The following RPH3A variants were observed in gnomAD, a reference collection of about 807,000 sequenced individuals.
RPH3A encodes rabphilin 3A, also known as rabphilin-3A.
RPH3A carries 48 observed loss-of-function variants against 102.2 expected under a neutral mutation model. The ratio of observed to expected loss-of-function variants is 0.47; its 90% CI spans 0.37 to 0.60. The LOEUF is 0.60. Ranked by LOEUF, RPH3A falls within the 20% of genes least tolerant of loss-of-function variation. The probability of loss-of-function intolerance (pLI) is 0.00; values close to 1 mark genes in which losing one functional copy is unlikely to be tolerated. For missense variants in RPH3A, 781 were observed against 910.1 expected (o/e 0.86, Z 1.83); for synonymous variants, 310 against 324.3 (o/e 0.96, Z 0.47).
In RPH3A at chr12:112,876,672, C is replaced by G. The variant is rs779024797; in HGVS notation, c.977C>G (p.Ala326Gly). The G allele has an allele frequency of 1.9e-6, 3 of 1,612,238 alleles. No individual in the cohort carries two copies. Among genetic ancestry groups the G allele is most frequent in the Non-Finnish European group, 2.5e-6 (3 of 1,179,228 alleles). The change falls in exon 13 of 22, where the codon GCC (alanine) becomes GGC (glycine). Residue 326 changes from alanine to glycine, a missense_variant. By Grantham distance (60) the Ala-to-Gly change is moderately conservative. This residue lies in a region of RPH3A where 730 missense variants were observed against 810.0 expected (regional missense o/e 0.90). Coordinates refer to ENST00000389385, the MANE Select transcript of RPH3A (RefSeq NM_001143854.2). The part of the protein sequence containing the change: ...EVAPSDPGTT[A>G]PPREERTGGV... ...GCTCCGAGCGACCCTGGGACCACTG[C>G]CCCACCCCGAGAGGAGAGAACAGGG...
rs571872980 is a variant in RPH3A, at chr12:112,675,588, C to T, written c.-140+100269C>T. Among the ~76,000 whole-genome samples the T allele has an allele frequency of 3.1e-3, 474 of 152,192 alleles. 4 individuals carry two copies. The highest frequency in any genetic ancestry group is 0.011 in the African/African-American group (443 of 41,536). On this transcript the variant is annotated intron_variant, in intron 1 of 21. Coordinates refer to the RPH3A transcript ENST00000543106. The stretch of plus-strand genomic sequence containing the variant: ...AACACAAGTTGGTTTGATTCAAAAG[C>T]GCATTCTTTTATTTTTGCTTTGCTT...
At chr12:112,621,694 G>A (rs1268281519) in intron 1 of RPH3A, among the ~76,000 whole-genome samples, 2 of 152,048 alleles carry the variant, frequency 1.3e-5, no homozygotes, top group Non-Finnish European at 2.9e-5. Context: ...CTCGAACTGG[G>A]TGGAGCCCAC....
chr12:112,894,748 C>A, intron 20 of RPH3A, 89 bp downstream of exon 20: 1 of 1,016,782 alleles, frequency 9.8e-7, no homozygotes, highest in South Asian at 1.6e-5. Flanking sequence ...AAATATGTGG[C>A]CACATAGCCA....
At chr12:112,875,055 A>C in intron 10 of RPH3A, 29 bp from the exon 11 acceptor site, 1 of 1,564,974 alleles carries the variant, frequency 6.4e-7, no homozygotes, top group East Asian at 2.3e-5. Flanking sequence ...GTGACACATA[A>C]TGGCTGTTTT....
chr12:112,703,047 G>GT (rs1432830155), intron 1 of RPH3A, among the ~76,000 whole-genome samples: 1 of 152,208 alleles, frequency 6.6e-6, no homozygotes, highest in Non-Finnish European at 1.5e-5. Flanking sequence ...TTCTGAGCCT[G>GT]TATCTCAAGA....
At chr12:112,637,030 C>T (rs1476752267) in intron 1 of RPH3A, among the ~76,000 whole-genome samples, 1 of 152,122 alleles carries the variant, frequency 6.6e-6, no homozygotes, top group Non-Finnish European at 1.5e-5. Flanking sequence ...CCCTTCTAGC[C>T]CCCTCCTCCT....
intron 3 of RPH3A, chr12:112,831,810 AG>A: frequency 2.2e-6 from 1 of 455,994 alleles, no homozygotes; most frequent in Non-Finnish European, 4.4e-6. Flanking sequence ...AAGAGTCTTA[AG>A]CCAACAAATT....
At chr12:112,836,117 C>A (rs1015181426) in intron 3 of RPH3A, among the ~76,000 whole-genome samples, 11 of 152,212 alleles carry the variant, frequency 7.2e-5, no homozygotes, top group African/African-American at 2.7e-4. Context: ...GCCGATTGCT[C>A]TACCTAGTAT....
At chr12:112,855,280 T>C (rs2042392655) in intron 5 of RPH3A, among the ~76,000 whole-genome samples, 1 of 152,236 alleles carries the variant, frequency 6.6e-6, no homozygotes, top group Non-Finnish European at 1.5e-5. Flanking sequence ...TCCCAGATTG[T>C]TGATGGCTTA....
intron 2 of RPH3A, among the ~76,000 whole-genome samples, chr12:112,800,102 C>T (rs900784425): frequency 1.3e-5 from 2 of 152,118 alleles, no homozygotes; most frequent in African/African-American, 4.8e-5. Flanking sequence ...CAAGTAAACA[C>T]ATAAACAAGA....
intron 3 of RPH3A, among the ~76,000 whole-genome samples, chr12:112,830,330 G>A (rs1323563231): frequency 3.3e-5 from 5 of 151,950 alleles, no homozygotes; most frequent in Non-Finnish European, 5.9e-5. Flanking sequence ...AGATGTTTGA[G>A]GATTCTTAAT....
At chr12:112,655,039 T>C (rs2040000775) in intron 1 of RPH3A, among the ~76,000 whole-genome samples, 1 of 152,202 alleles carries the variant, frequency 6.6e-6, no homozygotes, top group Non-Finnish European at 1.5e-5. Flanking sequence ...CCTCCTCCAC[T>C]CCTCTGGTGG....
intron 1 of RPH3A, among the ~76,000 whole-genome samples, chr12:112,740,402 T>C (rs1377190558): frequency 6.6e-6 from 1 of 152,184 alleles, no homozygotes; most frequent in Non-Finnish European, 1.5e-5. Flanking sequence ...GTATGCATAT[T>C]AATGAATATC....
At chr12:112,728,674 G>A (rs1038921411) in intron 1 of RPH3A, among the ~76,000 whole-genome samples, 1 of 152,086 alleles carries the variant, frequency 6.6e-6, no homozygotes, top group African/African-American at 2.4e-5. Context: ...AAAAGATGGG[G>A]TCTTTCCTTG....
At chr12:112,686,730 G>T (rs2040267153) in intron 1 of RPH3A, among the ~76,000 whole-genome samples, 1 of 152,200 alleles carries the variant, frequency 6.6e-6, no homozygotes, top group South Asian at 2.1e-4. Flanking sequence ...AGAATCAAGG[G>T]CTAAATTAAT....
At chr12:112,879,280 C>A in intron 14 of RPH3A, 82 bp downstream of exon 14, 1 of 1,150,922 alleles carries the variant, frequency 8.7e-7, no homozygotes, top group South Asian at 1.4e-5. Flanking sequence ...GATGACCAGG[C>A]CTGTCTCCTG....
intron 1 of RPH3A, among the ~76,000 whole-genome samples, chr12:112,612,514 G>A (rs61465873): frequency 0.014 from 2,178 of 150,674 alleles, 56 homozygotes; most frequent in African/African-American, 0.051. Flanking sequence ...CTGGGCCCTA[G>A]AGGATCCTAG....
Position 112,890,034 on chromosome 12 carries a change from C to T in RPH3A, c.1574C>T (p.Ala525Val), listed in dbSNP as rs2136265080. 1 of 1,613,592 alleles carries T rather than the reference C, an allele frequency of 6.2e-7. No individual in the cohort carries two copies. Among genetic ancestry groups the T allele is most frequent in the East Asian group, 2.2e-5 (1 of 44,876 alleles). Residue 525 changes from alanine to valine, a missense_variant, in exon 18 of 22, where the codon GCT (alanine) becomes GTT (valine). By Grantham distance (64) the Ala-to-Val change is moderately conservative. Around this residue, in one of 2 missense-constraint regions of RPH3A, gnomAD observed 730 missense variants for 810.0 expected, o/e 0.90. Coordinates refer to ENST00000389385, the MANE Select transcript of RPH3A (RefSeq NM_001143854.2). ...CLERVIPMKR[A>V]GTTGSARGMA... is the part of the protein sequence containing the mutation. ...TTTTCTTCTTTTAAGATGAAACGTG[C>T]TGGGACCACCGGGTCAGCCCGAGGC...
At chr12:112,687,769 G>A (rs2040277025) in intron 1 of RPH3A, among the ~76,000 whole-genome samples, 1 of 152,142 alleles carries the variant, frequency 6.6e-6, no homozygotes, top group Admixed American at 6.5e-5. Context: ...GTGACACTAG[G>A]TGACCTCAGA....
Sources: allele counts gnomAD v4.1 joint callset (sites outside exome capture counted in the v4.1 genomes callset), GRCh38; gene constraint gnomAD v4.1.1; regional missense constraint gnomAD v4.1.1; transcripts MANE v1.5; gene names NCBI Gene and HGNC (gene_info 2026-07-23, HGNC 2026-07-21).